Variants in FHIT observed in about 807,000 individuals in gnomAD.
FHIT encodes bis(5'-adenosyl)-triphosphatase.
Under a neutral mutation model 17.9 loss-of-function variants are expected in FHIT, and 19 were observed. That is an observed-to-expected ratio of 1.06 (90% confidence interval 0.74 to 1.56). The LOEUF is 1.56. Ranked by LOEUF, FHIT falls within the 40% of genes most tolerant of loss-of-function variation. The pLI is 0.00. For synonymous variants in FHIT, 81 were observed against 69.7 expected (o/e 1.16, Z -0.81); for missense variants, 248 against 189.2 (o/e 1.31, Z -1.82).
chr3:61,202,780 T>C (rs1264771037), intron 1 of FHIT, among the ~76,000 whole-genome samples: 5 of 152,112 alleles, frequency 3.3e-5, no homozygotes, highest in African/African-American at 4.8e-5. Flanking sequence ...GTGCGGACAC[T>C]GTGTCTCACG....
At chr3:60,385,389 C>T (rs1700968992) in intron 5 of FHIT, among the ~76,000 whole-genome samples, 1 of 152,238 alleles carries the variant, frequency 6.6e-6, no homozygotes, top group East Asian at 1.9e-4. Flanking sequence ...ACATCAGGTG[C>T]AGGAAATCAA....
In FHIT at chr3:60,860,836, C is replaced by T. The variant is rs1453972712; in HGVS notation, c.-110-38825G>A. 1.5e-3 allele frequency among the ~76,000 whole-genome samples: 4 copies of T among 2,612 alleles called. 2 individuals carry two copies. The highest frequency in any genetic ancestry group is 3.8e-3 in the Non-Finnish European group (2 of 530). The allele number at this position is 2,612 out of a possible 152,430, so 1.7% of individuals were successfully genotyped here. ...ATCAGGTATATATGATACATATGTA[C>T]ATATATCAGGTATATATGAACATAT... On this transcript the variant is annotated intron_variant, in intron 3 of 9. Transcript: ENST00000492590.
chr3:60,279,875 C>CA (rs1707346428), intron 5 of FHIT, among the ~76,000 whole-genome samples: 2 of 151,470 alleles, frequency 1.3e-5, no homozygotes. Flanking sequence ...ACTAAAAATA[C>CA]AAAAAAATTA....
intron 2 of FHIT, among the ~76,000 whole-genome samples, chr3:61,095,134 G>A (rs561309884): frequency 1.8e-4 from 28 of 152,148 alleles, no homozygotes; most frequent in Non-Finnish European, 3.7e-4. Context: ...TCAGAAAAAT[G>A]GCAGGGATTC....
At chr3:60,493,724 T>C (rs2034166154) in intron 5 of FHIT, among the ~76,000 whole-genome samples, 1 of 152,172 alleles carries the variant, frequency 6.6e-6, no homozygotes, top group Non-Finnish European at 1.5e-5. Flanking sequence ...TTGAACAAAG[T>C]TCAATATTTG....
chr3:60,535,426 A>G (rs1036521162), intron 5 of FHIT, among the ~76,000 whole-genome samples: 4 of 152,204 alleles, frequency 2.6e-5, no homozygotes, highest in African/African-American at 2.4e-5. Flanking sequence ...CTGAATTTAC[A>G]GACATTTTGC....
chr3:59,841,696 C>T (rs915248813), intron 8 of FHIT, among the ~76,000 whole-genome samples: 1 of 152,084 alleles, frequency 6.6e-6, no homozygotes, highest in Admixed American at 6.5e-5. Flanking sequence ...CCATGACACA[C>T]GGGTGTACTG....
chr3:61,096,068 C>T (rs776133204), intron 2 of FHIT, among the ~76,000 whole-genome samples: 1 of 152,182 alleles, frequency 6.6e-6, no homozygotes. Flanking sequence ...GCCCTTTTTG[C>T]TACTGACAGA....
chr3:59,955,624 A>G (rs1707353878), intron 7 of FHIT, among the ~76,000 whole-genome samples: 1 of 152,010 alleles, frequency 6.6e-6, no homozygotes, highest in African/African-American at 2.4e-5. Context: ...TATGTCAAAA[A>G]CTGAACTCTC....
intron 3 of FHIT, among the ~76,000 whole-genome samples, chr3:60,854,504 C>G (rs1553749331): frequency 6.6e-6 from 1 of 150,586 alleles, no homozygotes; most frequent in Non-Finnish European, 1.5e-5. Flanking sequence ...AAGGTATAAT[C>G]TGACACTGAG....
chr3:59,828,030 C>G (rs957236311), intron 8 of FHIT, among the ~76,000 whole-genome samples: 2 of 152,120 alleles, frequency 1.3e-5, no homozygotes, highest in South Asian at 2.1e-4. Context: ...ATATAAGAAC[C>G]CTTTTTGATC....
At chr3:60,150,146 G>GC (rs141139702) in intron 5 of FHIT, among the ~76,000 whole-genome samples, 30,783 of 151,200 alleles carry the variant, frequency 0.2, 3,402 homozygotes, top group Middle Eastern at 0.36. Context: ...ACAGGCATGC[G>GC]CCCCCCACGC....
At chr3:60,713,101 G>C (rs1304712796) in intron 4 of FHIT, among the ~76,000 whole-genome samples, 18 of 152,252 alleles carry the variant, frequency 1.2e-4, no homozygotes, top group East Asian at 3.9e-4. Flanking sequence ...TGCAATCAAA[G>C]TAGAACTCAG....
chr3:60,391,219 A>G (rs112815022), intron 5 of FHIT, among the ~76,000 whole-genome samples: 2 of 94,050 alleles, frequency 2.1e-5, no homozygotes, highest in Non-Finnish European at 5.0e-5. Flanking sequence ...AAACAAACAA[A>G]CAAAAACAAA....
intron 8 of FHIT, among the ~76,000 whole-genome samples, chr3:59,834,349 T>C (rs570315947): frequency 2.0e-5 from 3 of 152,218 alleles, no homozygotes; most frequent in Admixed American, 6.5e-5. Flanking sequence ...TGTTAAACAA[T>C]AGATAGATAG....
At chr3:60,541,297 T>A (rs577089618) in intron 4 of FHIT, among the ~76,000 whole-genome samples, 44 of 152,342 alleles carry the variant, frequency 2.9e-4, no homozygotes, top group Non-Finnish European at 5.9e-4. Context: ...CTTCAGATAT[T>A]TGGAGTTAGC....
intron 4 of FHIT, among the ~76,000 whole-genome samples, chr3:60,747,626 C>G (rs2042385111): frequency 6.6e-6 from 1 of 152,110 alleles, no homozygotes; most frequent in Non-Finnish European, 1.5e-5. Flanking sequence ...CTGTTATAAG[C>G]AACAAAGCAG....
chr3:60,955,265 TA>T (rs1553778343), intron 3 of FHIT, among the ~76,000 whole-genome samples: 1 of 152,038 alleles, frequency 6.6e-6, no homozygotes, highest in Non-Finnish European at 1.5e-5. Context: ...ACCACAGGAA[TA>T]AATCTTAGAA....
At chr3:60,459,124 G>A (rs1250396084) in intron 5 of FHIT, among the ~76,000 whole-genome samples, 2 of 152,042 alleles carry the variant, frequency 1.3e-5, no homozygotes, top group African/African-American at 4.8e-5. Context: ...TTTATAATGT[G>A]TTTAGATGTC....
Sources: gnomAD v4.1 joint callset for allele counts (sites outside exome capture counted in the v4.1 genomes callset) on GRCh38, gnomAD v4.1.1 for gene constraint, MANE v1.5 for transcripts, NCBI Gene and HGNC (gene_info 2026-07-23, HGNC 2026-07-21) for gene names.